The following SLC35B3 variants were observed in gnomAD, a reference collection of about 807,000 sequenced individuals.
SLC35B3 encodes the protein solute carrier family 35 member B3, also known as adenosine 3'-phospho 5'-phosphosulfate transporter 2.
A neutral mutation model predicts 44.1 loss-of-function variants in SLC35B3; 35 were observed. The ratio of observed to expected loss-of-function variants is 0.79; its 90% CI spans 0.61 to 1.05. The LOEUF is 1.05. Among genes scored for constraint, SLC35B3 ranks in the 50% least tolerant of loss-of-function variants. The pLI is 0.00. For missense variants in SLC35B3, 414 were observed against 476.4 expected (o/e 0.87, Z 1.22); for synonymous variants, 146 against 167.3 (o/e 0.87, Z 0.98).
At chr6:8,422,973 G>C (rs1373219279) in intron 4 of SLC35B3, among the ~76,000 whole-genome samples, 1 of 151,364 alleles carries the variant, frequency 6.6e-6, no homozygotes, top group African/African-American at 2.4e-5. Context: ...TCTTAAGTTA[G>C]AGAAAAAGAG....
chr6:8,429,782 T>A, intron 3 of SLC35B3, 82 bp downstream of exon 2: 1 of 1,036,440 alleles, frequency 9.6e-7, no homozygotes, highest in Non-Finnish European at 1.4e-6. Context: ...TAAGTGACTA[T>A]CTTGGGCAAA....
intron 4 of SLC35B3, among the ~76,000 whole-genome samples, chr6:8,422,849 A>C (rs900712251): frequency 2.0e-5 from 3 of 152,130 alleles, no homozygotes; most frequent in Non-Finnish European, 2.9e-5. Context: ...AAACGAGGCC[A>C]CTCAATTATG....
At chr6:8,415,501 C>G (rs1762339340) in intron 9 of SLC35B3, among the ~76,000 whole-genome samples, 1 of 152,216 alleles carries the variant, frequency 6.6e-6, no homozygotes, top group Admixed American at 6.5e-5. Context: ...TTCCTCCCTT[C>G]TGTCCCAGGC....
In SLC35B3 at chr6:8,412,895, G is replaced by A. The variant is rs530764670; in HGVS notation, c.*654C>T. Among the ~76,000 whole-genome samples, 9 of 152,254 alleles carry A rather than the reference G, an allele frequency of 5.9e-5. No individual in the cohort carries two copies. The highest frequency in any genetic ancestry group is 1.9e-4 in the East Asian group (1 of 5,188). ...TTGTCAGCCTCTCACCTCTTGTTGCGTGGTCTGGTTCCTAACAGGCCACGG... is the reference window on the plus strand; with the variant it reads ...TTGTCAGCCTCTCACCTCTTGTTGCATGGTCTGGTTCCTAACAGGCCACGG... On this transcript the variant is annotated 3_prime_UTR_variant, in exon 11 of 11. Transcript: ENST00000644923.
chr6:8,420,750 C>T lies in SLC35B3; in HGVS notation c.653G>A (p.Ser218Asn), dbSNP rs1581241782. Residue 218 changes from serine (S) to asparagine (N), a missense_variant, in exon 6 of 11, where the codon AGC (serine) becomes AAC (asparagine). Ser to Asn is a conservative substitution (Grantham distance 46). Coordinates refer to ENST00000644923, the MANE Select transcript of SLC35B3 (RefSeq NM_001370476.2). This position sits in a 1 kb window ranked among gnomAD's most constrained non-coding sequence, Gnocchi z 4.4. ...CAGGTTGAAATTTGGTGCAGTTGTGCTGTCAGCGAGGGTAAACCATATCAG... is the reference window on the plus strand; with the variant it reads ...CAGGTTGAAATTTGGTGCAGTTGTGTTGTCAGCGAGGGTAAACCATATCAG... 6.2e-7 allele frequency: 1 copy of T among 1,612,724 alleles called. No individual in the cohort carries two copies. The highest frequency in any genetic ancestry group is 8.5e-7 in the Non-Finnish European group (1 of 1,178,994).
rs774762743 is a variant in SLC35B3, at chr6:8,414,968, C to A, written c.995G>T (p.Gly332Val). Residue 332 changes from glycine to valine, a missense_variant, in exon 10 of 11, where the codon GGA becomes GTA. Gly to Val is a moderately radical substitution (Grantham distance 109, BLOSUM62 -3). Transcript: ENST00000644923. ...AAGTACAATGGTCATTGCTTTTCTT[C>A]CTGTTGTCACTGTAGGAGCAAAAAA... The A allele has an allele frequency of 1.2e-6, 2 of 1,603,728 alleles. No individual in the cohort carries two copies. Among genetic ancestry groups the A allele is most frequent in the Non-Finnish European group, 1.7e-6 (2 of 1,173,204 alleles).
Position 8,416,999 on chromosome 6 carries a change from C to CA in SLC35B3, c.874-5dup, listed in dbSNP as rs547743793. On this transcript the variant is annotated splice_region_variant and splice_polypyrimidine_tract_variant and intron_variant, in intron 8 of 10. Transcript: ENST00000644923. ...AACCATAGGTCCGAACTGGATTCTG[C>CA]AAAAAATAAAAAAGCCTGTTAGAAA... The CA allele has an allele frequency of 1.5e-4, 220 of 1,503,432 alleles. 1 individual carries two copies. In the African/African-American group the frequency reaches 2.4e-3, roughly 17 times the overall value. 93.1% of individuals were successfully genotyped at this position (1,503,432 alleles called of 1,614,324 possible).
At chr6:8,422,342 T>A (rs1381945955) in intron 5 of SLC35B3, 128 bp downstream of exon 4, 1 of 773,356 alleles carries the variant, frequency 1.3e-6, no homozygotes, top group African/African-American at 1.8e-5. Flanking sequence ...TAAGACATAA[T>A]TCAGAATTGT....
In SLC35B3 at chr6:8,420,757, C is replaced by T. The variant is rs764533271; in HGVS notation, c.646G>A (p.Ala216Thr). ...AAATTTGGTGCAGTTGTGCTGTCAG[C>T]GAGGGTAAACCATATCAGGCCAAGG... Residue 216 changes from alanine to threonine, a missense_variant, in exon 6 of 11, where the codon GCT becomes ACT. Ala to Thr is a moderately conservative substitution (Grantham distance 58). Transcript: ENST00000644923. This position sits in a 1 kb window ranked among gnomAD's most constrained non-coding sequence, Gnocchi z 4.4. 5.0e-6 allele frequency: 8 copies of T among 1,612,924 alleles called. No homozygotes were observed. In the African/African-American group the frequency reaches 6.7e-5, roughly 13 times the overall value.
At chr6:8,423,820 G>A (rs757837745) in intron 4 of SLC35B3, among the ~76,000 whole-genome samples, 17 of 152,040 alleles carry the variant, frequency 1.1e-4, no homozygotes, top group Admixed American at 3.3e-4. Context: ...GAAAATCCAC[G>A]TGGAAACAAC....
Position 8,413,596 on chromosome 6 carries a change from T to C in SLC35B3, c.1159A>G (p.Lys387Glu). 6.2e-7 allele frequency: 1 copy of C among 1,609,504 alleles called. No individual in the cohort carries two copies. The highest frequency in any genetic ancestry group is 8.5e-7 in the Non-Finnish European group (1 of 1,178,114). Residue 387 changes from lysine to glutamate, a missense_variant, in exon 11 of 11, where the codon AAA becomes GAA. By Grantham distance (56) the Lys-to-Glu change is moderately conservative (BLOSUM62 1). Transcript: ENST00000644923. ...CTTGACTTTCTTGCTTCCACTGATT[T>C]GTTTATCAAATCATACAGTGATGGT...
At position 8,432,520 on chromosome 6, in the gene SLC35B3, A is replaced by G. The variant is rs1764089699; in HGVS notation, c.3+1865T>C. Among the ~76,000 whole-genome samples the G allele has an allele frequency of 6.6e-6, 1 of 152,122 alleles. No homozygotes were observed. Among genetic ancestry groups the G allele is most frequent in the East Asian group, 1.9e-4 (1 of 5,170 alleles). ...TAATAGTATAAGAAAGCAGTATAGC[A>G]TAATGCTTTCCCCATGCTTTGGAAT... On this transcript the variant is annotated intron_variant, in intron 2 of 10. Coordinates refer to ENST00000644923, the MANE Select transcript of SLC35B3 (RefSeq NM_001370476.2). The surrounding 1 kb of genome is among the most constrained non-coding windows in gnomAD (Gnocchi z 4.8).
Position 8,435,351 on chromosome 6 carries a change from C to A in SLC35B3, c.-52G>T. Reference sequence around the variant, plus strand: ...CCCGAAGGCACGCGTACCCCAAGGCCGGTATGTCACCCGGAAGGGTGACGG... The same window carrying A: ...CCCGAAGGCACGCGTACCCCAAGGCAGGTATGTCACCCGGAAGGGTGACGG... On this transcript the variant is annotated 5_prime_UTR_variant, in exon 1 of 11. Transcript: ENST00000644923. This position sits in a 1 kb window ranked among gnomAD's most constrained non-coding sequence, Gnocchi z 5.5. 1 of 1,289,166 alleles carries A rather than the reference C, an allele frequency of 7.8e-7. No homozygotes were observed. Among genetic ancestry groups the A allele is most frequent in the South Asian group, 1.2e-5 (1 of 80,998 alleles). 79.9% of individuals were successfully genotyped at this position (1,289,166 alleles called of 1,614,324 possible).
At position 8,434,537 on chromosome 6, in the gene SLC35B3, A is replaced by G; in HGVS notation, c.-43-107T>C. Reference sequence around the variant, plus strand: ...AACCCTGTGCTAATGTTTGAAGACTATTCTTTTTTTTTTCCAAGAGAAAAA... The same window carrying G: ...AACCCTGTGCTAATGTTTGAAGACTGTTCTTTTTTTTTTCCAAGAGAAAAA... On this transcript the variant is annotated intron_variant, in intron 1 of 10. Transcript: ENST00000644923. The surrounding 1 kb of genome is among the most constrained non-coding windows in gnomAD (Gnocchi z 6.3). 4 of 865,842 alleles carry G rather than the reference A, an allele frequency of 4.6e-6. No homozygotes were observed. The highest frequency in any genetic ancestry group is 6.6e-6 in the Non-Finnish European group (4 of 604,380). 53.6% of individuals were successfully genotyped at this position (865,842 alleles called of 1,614,324 possible).
At chr6:8,431,441 G>A (rs775475832) in intron 2 of SLC35B3, among the ~76,000 whole-genome samples, 4 of 152,052 alleles carry the variant, frequency 2.6e-5, no homozygotes, top group Non-Finnish European at 4.4e-5. Flanking sequence ...AATTTACAGA[G>A]GTTAACCAGG....
intron 7 of SLC35B3, among the ~76,000 whole-genome samples, chr6:8,418,142 A>G (rs1413838271): frequency 6.6e-6 from 1 of 152,168 alleles, no homozygotes; most frequent in East Asian, 1.9e-4. Context: ...ACTTAGAGAT[A>G]TTAAGTAATT....
chr6:8,420,769 A>C lies in SLC35B3; in HGVS notation c.634T>G (p.Trp212Gly). 6.2e-7 allele frequency: 1 copy of C among 1,613,686 alleles called. No individual in the cohort carries two copies. The highest frequency in any genetic ancestry group is 8.5e-7 in the Non-Finnish European group (1 of 1,179,618). Residue 212 changes from tryptophan (W) to glycine (G), a missense_variant, in exon 6 of 11, where the codon TGG (tryptophan) becomes GGG (glycine). Physicochemically the swap from Trp to Gly is radical, Grantham distance 184. Transcript: ENST00000644923. This position sits in a 1 kb window ranked among gnomAD's most constrained non-coding sequence, Gnocchi z 4.4. ...GTTGTGCTGTCAGCGAGGGTAAACC[A>C]TATCAGGCCAAGGCTCATACATATG... is the stretch of plus-strand genomic sequence containing the variant.
At position 8,419,340 on chromosome 6, in the gene SLC35B3, T is replaced by G. The variant is rs952783437; in HGVS notation, c.780+240A>C. ...ATGAGAGAAAGGATATAACAAAAGATTTTATTTTAATACATAAAAAACTAA... is the reference window on the plus strand; with the variant it reads ...ATGAGAGAAAGGATATAACAAAAGAGTTTATTTTAATACATAAAAAACTAA... On this transcript the variant is annotated intron_variant, in intron 7 of 10. Coordinates refer to ENST00000644923, the MANE Select transcript of SLC35B3 (RefSeq NM_001370476.2). This position sits in a 1 kb window ranked among gnomAD's most constrained non-coding sequence, Gnocchi z 4.3. 2.6e-5 allele frequency among the ~76,000 whole-genome samples: 4 copies of G among 151,986 alleles called. No homozygotes were observed. Among genetic ancestry groups the G allele is most frequent in the Admixed American group, 2.6e-4 (4 of 15,254 alleles).
In SLC35B3 at chr6:8,430,068, T is replaced by G; in HGVS notation, c.93A>C (p.Ile31=). ...AATTGTTGAACTTGAGATCCATTGT[T>G]ATTTTGCTGCATTCAATGCTTTCAG... Residue 31 remains isoleucine (I), a synonymous_variant, in exon 3 of 11, where the codon ATA becomes ATC. Transcript: ENST00000644923. 1 of 1,614,012 alleles carries G rather than the reference T, an allele frequency of 6.2e-7. No individual in the cohort carries two copies. Among genetic ancestry groups the G allele is most frequent in the Non-Finnish European group, 8.5e-7 (1 of 1,179,912 alleles).
Sources: allele counts gnomAD v4.1 joint callset (sites outside exome capture counted in the v4.1 genomes callset), GRCh38; gene constraint gnomAD v4.1.1; non-coding constraint Gnocchi (gnomAD v3.1); transcripts MANE v1.5; gene names NCBI Gene and HGNC (gene_info 2026-07-23, HGNC 2026-07-21).